Variants in TRAK1 observed in about 807,000 individuals in gnomAD.
TRAK1 encodes the protein trafficking kinesin-binding protein 1.
A neutral mutation model predicts 92.1 loss-of-function variants in TRAK1; 33 were observed. The observed-to-expected ratio is 0.36, with a 90% CI of 0.27 to 0.48. TRAK1 has a LOEUF of 0.48. TRAK1 is among the 20% of genes least tolerant of loss of function. TRAK1 has a pLI of 0.99. For missense variants in TRAK1, 1,123 were observed against 1,257.9 expected (o/e 0.89, Z 1.62); for synonymous variants, 521 against 517.3 (o/e 1.01, Z -0.10).
intron 2 of TRAK1, among the ~76,000 whole-genome samples, chr3:42,169,054 C>T (rs1389636066): frequency 2.0e-5 from 3 of 152,076 alleles, no homozygotes; most frequent in Non-Finnish European, 2.9e-5. Context: ...GAACTCCTGA[C>T]GTCAGGTGAT....
At chr3:42,212,639 A>T in intron 14 of TRAK1, 3 of 785,908 alleles carry the variant, frequency 3.8e-6, no homozygotes, top group Non-Finnish European at 4.6e-6. Flanking sequence ...TTATAGTTTT[A>T]CTTTATTTCA....
chr3:42,204,089 T>G, intron 13 of TRAK1: 3 of 985,774 alleles, frequency 3.0e-6, no homozygotes, highest in Non-Finnish European at 3.6e-6. Flanking sequence ...AAGGTATAGC[T>G]TACTCTTTTT....
intron 2 of TRAK1, among the ~76,000 whole-genome samples, chr3:42,153,283 A>T (rs1297899540): frequency 6.6e-6 from 1 of 152,128 alleles, no homozygotes; most frequent in Non-Finnish European, 1.5e-5. Context: ...ATGCGCCTAT[A>T]GTCCCAGCTA....
intron 15 of TRAK1, 50 bp downstream of exon 15, chr3:42,219,646 A>G: frequency 6.3e-7 from 1 of 1,594,692 alleles, no homozygotes; most frequent in Non-Finnish European, 8.6e-7. Context: ...AAGTCAGGGC[A>G]CTCCCTTCCC....
intron 14 of TRAK1, 123 bp from the exon 15 acceptor site, chr3:42,219,371 G>T: frequency 6.3e-7 from 1 of 1,575,378 alleles, no homozygotes; most frequent in Non-Finnish European, 8.6e-7. Context: ...CACCTTCCTC[G>T]CCCAGATCCA....
chr3:42,079,926 G>T (rs1704354250), intron 1 of TRAK1, among the ~76,000 whole-genome samples: 1 of 152,120 alleles, frequency 6.6e-6, no homozygotes, highest in South Asian at 2.1e-4. Context: ...ATTGCACCAG[G>T]GAGTGGAGAA....
At chr3:42,152,369 A>G (rs764792367) in intron 2 of TRAK1, among the ~76,000 whole-genome samples, 4 of 152,226 alleles carry the variant, frequency 2.6e-5, no homozygotes, top group African/African-American at 4.8e-5. Flanking sequence ...GAATTTGCAC[A>G]TACATACTCA....
chr3:42,039,482 G>A (rs1702453751), intron 1 of TRAK1, among the ~76,000 whole-genome samples: 1 of 152,156 alleles, frequency 6.6e-6, no homozygotes, highest in African/African-American at 2.4e-5. Flanking sequence ...TCCTGCCTCA[G>A]CCTTCCAAGT....
chr3:42,138,030 G>C (rs1698168203), intron 2 of TRAK1, among the ~76,000 whole-genome samples: 1 of 151,468 alleles, frequency 6.6e-6, no homozygotes, highest in Non-Finnish European at 1.5e-5. Flanking sequence ...CTTAATTTGA[G>C]TTTCTCTGTA....
intron 12 of TRAK1, 85 bp downstream of exon 12, chr3:42,201,139 A>C: frequency 7.0e-7 from 1 of 1,429,738 alleles, no homozygotes; most frequent in Middle Eastern, 1.8e-4. Context: ...AATTATTAAG[A>C]GGGAGGTAGA....
chr3:42,091,070 G>T, upstream of TRAK1: 1 of 213,176 alleles, frequency 4.7e-6, no homozygotes, highest in Non-Finnish European at 9.2e-6. Context: ...TTCAGCCCTT[G>T]ATAAATTCAC....
chr3:42,178,990 C>G (rs1456469412), intron 3 of TRAK1, among the ~76,000 whole-genome samples: 1 of 151,976 alleles, frequency 6.6e-6, no homozygotes, highest in Non-Finnish European at 1.5e-5. Context: ...TAAAACAAAA[C>G]AAAACAAAAT....
rs575985298 is a variant in TRAK1, at chr3:42,136,155, A to G, written c.286+10541A>G. On this transcript the variant is annotated intron_variant, in intron 2 of 15. Transcript: ENST00000327628. ...TTTACTTTTTTGGTGGGTTTAAGGAAGATTCTGTGACTTCATTGGTGATGA... is the reference window on the plus strand; with the variant it reads ...TTTACTTTTTTGGTGGGTTTAAGGAGGATTCTGTGACTTCATTGGTGATGA... 9.2e-5 allele frequency among the ~76,000 whole-genome samples: 14 copies of G among 152,270 alleles called. No homozygotes were observed. In the South Asian group the frequency reaches 1.2e-3, roughly 14 times the overall value.
intron 1 of TRAK1, among the ~76,000 whole-genome samples, chr3:42,120,405 G>A (rs1477633797): frequency 6.6e-6 from 1 of 151,382 alleles, no homozygotes; most frequent in East Asian, 1.9e-4. Context: ...GAGCATAAAG[G>A]GTTCCTTTCC....
intron 13 of TRAK1, chr3:42,203,762 A>G: frequency 2.2e-6 from 2 of 902,270 alleles, no homozygotes; most frequent in Non-Finnish European, 2.5e-6. Context: ...TTTTTTCCTA[A>G]TCACCCCCCA....
upstream of TRAK1, among the ~76,000 whole-genome samples, chr3:42,082,443 A>AC (rs11377300): frequency 0.58 from 87,568 of 151,770 alleles, 25,504 homozygotes; most frequent in South Asian, 0.68. Flanking sequence ...TATCAAAAAT[A>AC]AAAAATTAGC....
intron 14 of TRAK1, chr3:42,210,990 T>C: frequency 1.0e-6 from 1 of 985,402 alleles, no homozygotes; most frequent in Non-Finnish European, 1.2e-6. Context: ...CAGCATGCTC[T>C]GTCTAGACTG....
chr3:42,188,851 TTGG>T (rs1190504914), intron 5 of TRAK1, among the ~76,000 whole-genome samples, 162 bp from the exon 6 acceptor site: 1 of 152,144 alleles, frequency 6.6e-6, no homozygotes, highest in African/African-American at 2.4e-5. Flanking sequence ...GGGTTCAGAA[TTGG>T]TGGTGAGCCT....
Position 42,223,168 on chromosome 3 carries a change from G to A in TRAK1, c.2293G>A (p.Gly765Ser). 2.5e-6 allele frequency: 4 copies of A among 1,613,956 alleles called. No individual in the cohort carries two copies. Among genetic ancestry groups the A allele is most frequent in the Non-Finnish European group, 3.4e-6 (4 of 1,179,964 alleles). ...CCAGAGCTGGGACAGGGCCGGCCGGGGCTCCCTCCTGCACTCCTACACGCC... is the reference window on the plus strand; with the variant it reads ...CCAGAGCTGGGACAGGGCCGGCCGGAGCTCCCTCCTGCACTCCTACACGCC... ...DPQSWDRAGR[G>S]SLLHSYTPKM... is the part of the protein sequence containing the mutation. Residue 765 changes from glycine to serine, a missense_variant, in exon 16 of 16, where the codon GGC becomes AGC. Transcript: ENST00000327628. The surrounding 1 kb of genome is among the most constrained non-coding windows in gnomAD (Gnocchi z 6.1).
Sources: allele counts gnomAD v4.1 joint callset (sites outside exome capture counted in the v4.1 genomes callset), GRCh38; gene constraint gnomAD v4.1.1; non-coding constraint Gnocchi (gnomAD v3.1); transcripts MANE v1.5; gene names NCBI Gene and HGNC (gene_info 2026-07-23, HGNC 2026-07-21).